Variants in CDH18 observed in about 807,000 individuals in gnomAD.
CDH18 encodes cadherin 18, also known as cadherin-18.
In CDH18, 31 loss-of-function variants were observed where a neutral mutation model predicts 67.9. That is an observed-to-expected ratio of 0.46 (90% CI 0.34 to 0.62). The LOEUF (loss-of-function observed/expected upper bound fraction) is 0.62, where lower values mean the gene tolerates loss of function less well. CDH18 is among the 20% of genes least tolerant of loss of function. CDH18 has a pLI of 0.01. For missense variants in CDH18, 890 were observed against 975.5 expected (o/e 0.91, Z 1.17); for synonymous variants, 362 against 347.2 (o/e 1.04, Z -0.48).
chr5:19,552,987 T>G (rs1028025898), intron 8 of CDH18, among the ~76,000 whole-genome samples: 9 of 152,188 alleles, frequency 5.9e-5, no homozygotes, highest in Admixed American at 3.3e-4. Flanking sequence ...TATATTGAAG[T>G]GAGATGAAAA....
chr5:20,481,057 GA>G (rs904495055), intron 1 of CDH18, among the ~76,000 whole-genome samples: 4 of 149,076 alleles, frequency 2.7e-5, no homozygotes, highest in Admixed American at 6.7e-5. Flanking sequence ...TGGCTGCCAG[GA>G]AAAAAAAAGC....
At chr5:20,172,197 T>TATATAC (rs1554098667) in intron 2 of CDH18, among the ~76,000 whole-genome samples, 1 of 50,472 alleles carries the variant, frequency 2.0e-5, no homozygotes, top group African/African-American at 9.4e-5. Context: ...TGTGTATATA[T>TATATAC]ATATATATAT....
At chr5:20,319,592 A>G (rs569490689) in intron 1 of CDH18, among the ~76,000 whole-genome samples, 1,618 of 152,320 alleles carry the variant, frequency 0.011, 32 homozygotes, top group African/African-American at 0.036. Flanking sequence ...TTAGGGATTT[A>G]GCTTGCATAA....
intron 2 of CDH18, among the ~76,000 whole-genome samples, chr5:19,841,293 A>G (rs1425098088): frequency 2.0e-5 from 3 of 152,190 alleles, no homozygotes; most frequent in Admixed American, 1.3e-4. Flanking sequence ...AACTCTCCTA[A>G]AATATAAGAG....
At chr5:19,582,269 T>C (rs1226026427) in intron 7 of CDH18, among the ~76,000 whole-genome samples, 1 of 152,008 alleles carries the variant, frequency 6.6e-6, no homozygotes, top group Non-Finnish European at 1.5e-5. Flanking sequence ...ACCCAATACA[T>C]ACACAAACTT....
intron 1 of CDH18, 80 bp from the exon 2 acceptor site, chr5:19,981,258 A>C (rs1798999975): frequency 6.6e-6 from 1 of 152,084 alleles, no homozygotes; most frequent in African/African-American, 2.4e-5. Flanking sequence ...ATCAAATACC[A>C]TCCATACTCT....
chr5:20,121,535 G>T (rs1021398140), intron 2 of CDH18, among the ~76,000 whole-genome samples: 1 of 152,120 alleles, frequency 6.6e-6, no homozygotes, highest in Non-Finnish European at 1.5e-5. Context: ...CAAGAGAAAA[G>T]ATGAAAATGG....
intron 1 of CDH18, among the ~76,000 whole-genome samples, chr5:20,525,886 A>C (rs1006658560): frequency 2.0e-5 from 3 of 152,118 alleles, no homozygotes; most frequent in Non-Finnish European, 4.4e-5. Flanking sequence ...GCAATATTTT[A>C]TGACTCAAAA....
intron 5 of CDH18, among the ~76,000 whole-genome samples, chr5:19,697,787 C>A (rs1441328533): frequency 1.3e-5 from 2 of 152,142 alleles, no homozygotes; most frequent in African/African-American, 4.8e-5. Context: ...TGGCCAATGA[C>A]AGCCTTAGGT....
intron 2 of CDH18, among the ~76,000 whole-genome samples, chr5:19,954,235 G>A (rs1337405461): frequency 1.3e-5 from 2 of 152,002 alleles, no homozygotes; most frequent in African/African-American, 2.4e-5. Context: ...GCTGATTTTT[G>A]TTAATATAAT....
At chr5:19,813,413 A>T (rs935272902) in intron 3 of CDH18, among the ~76,000 whole-genome samples, 1 of 152,144 alleles carries the variant, frequency 6.6e-6, no homozygotes, top group African/African-American at 2.4e-5. Context: ...GATAAATATG[A>T]TATATATCAT....
chr5:19,543,883 G>A lies in CDH18; in HGVS notation c.1376C>T (p.Thr459Ile), dbSNP rs1183570686. Reference sequence around the variant, plus strand: ...AAGTAGTTTACCAATTTCTGAAGCAGTGACTGTGATGTTGTACCATGGAGT... The same window carrying A: ...AAGTAGTTTACCAATTTCTGAAGCAATGACTGTGATGTTGTACCATGGAGT... ...EETPWYNITV[T>I]ASEIDNPDLL... The change falls in exon 9 of 13, where the codon ACT (threonine) becomes ATT (isoleucine). Residue 459 changes from threonine (T) to isoleucine (I), a missense_variant. Physicochemically the swap from Thr to Ile is moderately conservative, Grantham distance 89. Around this residue, in one of 2 missense-constraint regions of CDH18, gnomAD observed 656 missense variants for 668.1 expected, o/e 0.98. Transcript: ENST00000382275. 1.9e-6 allele frequency: 3 copies of A among 1,578,496 alleles called. No homozygotes were observed. The highest frequency in any genetic ancestry group is 2.3e-5 in the South Asian group (2 of 85,142).
intron 3 of CDH18, among the ~76,000 whole-genome samples, chr5:19,834,152 A>ATTTTT (rs36060099): frequency 7.0e-6 from 1 of 143,684 alleles, no homozygotes; most frequent in Non-Finnish European, 1.5e-5. Flanking sequence ...TGGTCCTGGG[A>ATTTTT]TTTTTTTTTT....
intron 1 of CDH18, among the ~76,000 whole-genome samples, chr5:20,481,190 C>A (rs1457618520): frequency 1.4e-5 from 2 of 147,662 alleles, no homozygotes; most frequent in African/African-American, 5.1e-5. Context: ...GTAGCTAATT[C>A]AGACAACTTT....
At chr5:20,548,334 T>A (rs1428735) in intron 1 of CDH18, among the ~76,000 whole-genome samples, 66,791 of 151,540 alleles carry the variant, frequency 0.44, 15,156 homozygotes, top group East Asian at 0.57. Context: ...CCAGTTGCAA[T>A]ACCGACATTT....
At chr5:19,726,805 T>G (rs1201906142) in intron 4 of CDH18, among the ~76,000 whole-genome samples, 1 of 152,194 alleles carries the variant, frequency 6.6e-6, no homozygotes, top group African/African-American at 2.4e-5. Flanking sequence ...ATTCATATGT[T>G]GAAATCCTAA....
intron 1 of CDH18, among the ~76,000 whole-genome samples, chr5:20,279,699 C>CAAAAAAA (rs1189257278): frequency 0.086 from 1,164 of 13,562 alleles, 221 homozygotes; most frequent in Non-Finnish European, 0.11. Context: ...AGCTCTGTCT[C>CAAAAAAA]AAAAAAAAAA....
At chr5:19,593,870 T>C (rs1745739848) in intron 6 of CDH18, among the ~76,000 whole-genome samples, 1 of 151,890 alleles carries the variant, frequency 6.6e-6, no homozygotes, top group South Asian at 2.1e-4. Context: ...ACTCTGTAGA[T>C]TGTTTCCTTT....
At chr5:20,543,861 A>C (rs1217645114) in intron 1 of CDH18, among the ~76,000 whole-genome samples, 1 of 152,204 alleles carries the variant, frequency 6.6e-6, no homozygotes, top group African/African-American at 2.4e-5. Context: ...CAAATACAAA[A>C]AGTAGAAGGT....
Sources: gnomAD v4.1 joint callset for allele counts (sites outside exome capture counted in the v4.1 genomes callset) on GRCh38, gnomAD v4.1.1 for gene constraint, gnomAD v4.1.1 regional missense constraint, MANE v1.5 for transcripts, NCBI Gene and HGNC (gene_info 2026-07-23, HGNC 2026-07-21) for gene names.